Variants in CPLANE1 observed in about 807,000 individuals in gnomAD.
The protein encoded by CPLANE1 is ciliogenesis and planar polarity effector complex subunit 1.
A neutral mutation model predicts 362.5 loss-of-function variants in CPLANE1; 263 were observed. The ratio of observed to expected loss-of-function variants is 0.73; its 90% CI spans 0.66 to 0.80. The LOEUF (loss-of-function observed/expected upper bound fraction) is 0.80. Among genes scored for constraint, CPLANE1 ranks in the 30% least tolerant of loss-of-function variants. The probability of loss-of-function intolerance (pLI) is 0.00; values close to 1 mark genes in which losing one functional copy is unlikely to be tolerated. For synonymous variants in CPLANE1, 1,212 were observed against 1,302.6 expected (o/e 0.93, Z 1.50); for missense variants, 3,461 against 3,793.4 (o/e 0.91, Z 2.30).
rs1237751485 is a variant in CPLANE1 at position 37,173,839 on chromosome 5, C to G, written c.6087G>C (p.Gln2029His). ...QPPAPTPQKT[Q>H]RNEFTAQLPD... Reference sequence around the variant, plus strand: ...GTAACTGAGCCGTGAATTCATTTCTCTGGGTCTTCTGAGGTGTTGGAGCAG... The same window carrying G: ...GTAACTGAGCCGTGAATTCATTTCTGTGGGTCTTCTGAGGTGTTGGAGCAG... Residue 2029 changes from glutamine to histidine, a missense_variant, in exon 32 of 53, where the codon CAG becomes CAC. By Grantham distance (24) the Gln-to-His change is conservative. Around this residue, in one of 2 missense-constraint regions of CPLANE1, gnomAD observed 3,380 missense variants for 3,666.1 expected, o/e 0.92. Transcript: ENST00000651892. 2 of 1,614,160 alleles carry G rather than the reference C, an allele frequency of 1.2e-6. No individual in the cohort carries two copies. Among genetic ancestry groups the G allele is most frequent in the Non-Finnish European group, 1.7e-6 (2 of 1,180,030 alleles).
At chr5:37,181,087 C>A in intron 26 of CPLANE1, 82 bp from the exon 27 acceptor site, 1 of 1,192,354 alleles carries the variant, frequency 8.4e-7, no homozygotes, top group East Asian at 2.5e-5. Context: ...ATTCTTTCTA[C>A]AGGAATTCTG....
intron 19 of CPLANE1, 56 bp downstream of exon 19, chr5:37,201,534 TA>T (rs1789185958): frequency 1.4e-6 from 2 of 1,418,412 alleles, no homozygotes; most frequent in African/African-American, 1.4e-5. Flanking sequence ...TTAATTATTT[TA>T]AAAACTTGAC....
At chr5:37,136,191 T>C (rs530201191) in intron 46 of CPLANE1, among the ~76,000 whole-genome samples, 1 of 152,272 alleles carries the variant, frequency 6.6e-6, no homozygotes, top group South Asian at 2.1e-4. Flanking sequence ...ACTTCCTAGA[T>C]ACAATGGAGG....
chr5:37,212,176 G>A (rs1792795572), intron 16 of CPLANE1: 5 of 1,233,272 alleles, frequency 4.1e-6, no homozygotes, highest in African/African-American at 1.5e-5. Context: ...TTAGAAATGA[G>A]TAATCAAGAA....
At position 37,165,367 on chromosome 5, in the gene CPLANE1, T is replaced by C. The variant is rs77990419; in HGVS notation, c.7533+172A>G. ...AAGTTGCTTTTCACATTCAGAACTC[T>C]ATGTCTACTGCTCTGTGGAGGGAGG... On this transcript the variant is annotated intron_variant, in intron 36 of 52. Transcript: ENST00000651892. 4.3e-3 allele frequency among the ~76,000 whole-genome samples: 654 copies of C among 152,296 alleles called. 38 individuals are homozygous for C. The East Asian group carries it at 0.11, about 25-fold the overall frequency.
chr5:37,218,902 A>G (rs1362834300), intron 15 of CPLANE1, among the ~76,000 whole-genome samples: 1 of 151,670 alleles, frequency 6.6e-6, no homozygotes, highest in Non-Finnish European at 1.5e-5. Context: ...GAGCTGAGAT[A>G]GTGCCATTGC....
Position 37,226,964 on chromosome 5 carries a change from A to C in CPLANE1, c.1631T>G (p.Leu544Trp). The change falls in exon 12 of 53, where the codon TTG (leucine) becomes TGG (tryptophan). Residue 544 changes from leucine to tryptophan, a missense_variant. Transcript: ENST00000651892. ...CGTATCAAACATAGATGCAAATTCC[A>C]ATCTTCCTTCCTTCATACTACTACA... ...VLCSSMKEGR[L>W]EFASMFDTIH... 1 of 1,551,886 alleles carries C rather than the reference A, an allele frequency of 6.4e-7. No individual in the cohort carries two copies. The highest frequency in any genetic ancestry group is 8.7e-7 in the Non-Finnish European group (1 of 1,146,972).
At chr5:37,090,252 T>G in the CPLANE1 span, among the ~76,000 whole-genome samples, 10 of 152,204 alleles carry the variant, frequency 6.6e-5, no homozygotes, top group African/African-American at 2.4e-4. Flanking sequence ...TTGTTTTATC[T>G]TTCTCACCAA....
At chr5:37,182,043 G>T (rs1255469915) in intron 26 of CPLANE1, among the ~76,000 whole-genome samples, 1 of 152,066 alleles carries the variant, frequency 6.6e-6, no homozygotes, top group African/African-American at 2.4e-5. Context: ...AGTGAGTTGA[G>T]ATCACGCCAC....
In CPLANE1 at chr5:37,244,609, T is replaced by TA; in HGVS notation, c.338-3dup. 6.6e-7 allele frequency: 1 copy of TA among 1,515,034 alleles called. No homozygotes were observed. The highest frequency in any genetic ancestry group is 8.9e-7 in the Non-Finnish European group (1 of 1,129,850). 93.8% of individuals were successfully genotyped at this position (1,515,034 alleles called of 1,614,324 possible). On this transcript the variant is annotated splice_region_variant and splice_polypyrimidine_tract_variant and intron_variant, in intron 4 of 52. Coordinates refer to ENST00000651892, the MANE Select transcript of CPLANE1 (RefSeq NM_001384732.1). ...ACAAGTACAGTCTCAAAGAGCTTGC[T>TA]AAAAAAGTAACAAAAAAAGTAATTA...
At chr5:37,099,089 G>C in the CPLANE1 span, among the ~76,000 whole-genome samples, 3 of 152,014 alleles carry the variant, frequency 2.0e-5, no homozygotes, top group Non-Finnish European at 4.4e-5. Context: ...AAAATACAAA[G>C]GATCAACAAA....
rs1363462144 is a variant in CPLANE1 at position 37,224,700 on chromosome 5, A to G, written c.2332T>C (p.Trp778Arg). 6.4e-7 allele frequency: 1 copy of G among 1,551,578 alleles called. No individual in the cohort carries two copies. Among genetic ancestry groups the G allele is most frequent in the Non-Finnish European group, 8.7e-7 (1 of 1,146,882 alleles). Reference sequence around the variant, plus strand: ...CTTCGATTTAATTGTGCTTGATACCATAAAGTTTTTTTGTACAGTATTCTC... The same window carrying G: ...CTTCGATTTAATTGTGCTTGATACCGTAAAGTTTTTTTGTACAGTATTCTC... ...LWRILYKKTL[W>R]YQAQLNRRVP... The change falls in exon 13 of 53, where the codon TGG becomes CGG. Residue 778 changes from tryptophan to arginine, a missense_variant. Trp to Arg is a moderately radical substitution (Grantham distance 101). Transcript: ENST00000651892.
At chr5:37,172,502 C>A (rs1780072578) in intron 32 of CPLANE1, among the ~76,000 whole-genome samples, 1 of 152,028 alleles carries the variant, frequency 6.6e-6, no homozygotes, top group Non-Finnish European at 1.5e-5. Context: ...CAGTGAAGTC[C>A]CCAAGTAATC....
At position 37,222,638 on chromosome 5, in the gene CPLANE1, A is replaced by G. The variant is rs200810752; in HGVS notation, c.2582-1150T>C. Among the ~76,000 whole-genome samples the G allele has an allele frequency of 3.9e-5, 6 of 152,338 alleles. No individual in the cohort carries two copies. The East Asian group carries it at 1.2e-3, about 29-fold the overall frequency. Reference sequence around the variant, plus strand: ...AAACAAAATGTCCATAATGGAACTCATTACAAAAACTTTTCTATACCCAGA... The same window carrying G: ...AAACAAAATGTCCATAATGGAACTCGTTACAAAAACTTTTCTATACCCAGA... On this transcript the variant is annotated intron_variant, in intron 14 of 52. Coordinates refer to ENST00000651892, the MANE Select transcript of CPLANE1 (RefSeq NM_001384732.1).
Position 37,138,799 on chromosome 5 carries a change from T to C in CPLANE1, c.8713A>G (p.Ile2905Val), listed in dbSNP as rs1464182324. 7.4e-6 allele frequency: 12 copies of C among 1,613,062 alleles called. No homozygotes were observed. Among genetic ancestry groups the C allele is most frequent in the Non-Finnish European group, 7.6e-6 (9 of 1,179,580 alleles). The change falls in exon 46 of 53, where the codon ATT becomes GTT. Residue 2905 changes from isoleucine (I) to valine (V), a missense_variant. This residue lies in a region of CPLANE1 where 3,380 missense variants were observed against 3,666.1 expected (regional missense o/e 0.92). Coordinates refer to ENST00000651892, the MANE Select transcript of CPLANE1 (RefSeq NM_001384732.1). ...TCTTTAATTATAAGGTCATCAATAA[T>C]GTCTGCAATATCAGTCAATCCAGTC... ...QMTGLTDIAD[I>V]IDDLIIKDGV...
At chr5:37,198,993 A>G (rs1788379874) in intron 19 of CPLANE1, 127 bp from the exon 20 acceptor site, 1 of 787,944 alleles carries the variant, frequency 1.3e-6, no homozygotes, top group African/African-American at 1.8e-5. Flanking sequence ...GCACTTTGGA[A>G]GGCTGAAGCA....
chr5:37,235,391 GA>G (rs1023333574), intron 8 of CPLANE1, among the ~76,000 whole-genome samples: 12 of 151,992 alleles, frequency 7.9e-5, no homozygotes, highest in Non-Finnish European at 1.0e-4. Flanking sequence ...CATGCTTATG[GA>G]TTAAAAGGCC....
the CPLANE1 span, among the ~76,000 whole-genome samples, chr5:37,094,717 T>A: frequency 6.7e-6 from 1 of 150,340 alleles, no homozygotes; most frequent in African/African-American, 2.5e-5. Flanking sequence ...AGAGAGAAAA[T>A]CCAAATAAAC....
downstream of CPLANE1, among the ~76,000 whole-genome samples, chr5:37,102,828 T>C (rs1323016246): frequency 2.0e-5 from 3 of 152,204 alleles, no homozygotes; most frequent in African/African-American, 4.8e-5. Context: ...AATTATGTGA[T>C]CAATTTTAGA....
Sources: gnomAD v4.1 joint callset for allele counts (sites outside exome capture counted in the v4.1 genomes callset) on GRCh38, gnomAD v4.1.1 for gene constraint, gnomAD v4.1.1 regional missense constraint, MANE v1.5 for transcripts, NCBI Gene and HGNC (gene_info 2026-07-23, HGNC 2026-07-21) for gene names.